Variants in DLGAP1 observed in about 807,000 individuals in gnomAD.
DLGAP1 encodes the protein DLG associated protein 1.
DLGAP1 carries 11 observed loss-of-function variants against 90.8 expected under a neutral mutation model. The ratio of observed to expected loss-of-function variants is 0.12; its 90% CI spans 0.08 to 0.20. DLGAP1 has a LOEUF of 0.20. Ranked by LOEUF, DLGAP1 falls within the 10% of genes least tolerant of loss-of-function variation. The probability of loss-of-function intolerance (pLI) is 1.00; values close to 1 mark genes in which losing one functional copy is unlikely to be tolerated. For synonymous variants in DLGAP1, 558 were observed against 540.7 expected (o/e 1.03, Z -0.44); for missense variants, 1,050 against 1,333.8 (o/e 0.79, Z 3.31).
intron 9 of DLGAP1, among the ~76,000 whole-genome samples, chr18:3,558,379 C>T (rs947194357): frequency 3.3e-5 from 5 of 152,078 alleles, no homozygotes; most frequent in African/African-American, 9.7e-5. Flanking sequence ...ACCACAGGCA[C>T]GTGCTATAAC....
intron 5 of DLGAP1, among the ~76,000 whole-genome samples, chr18:3,779,528 A>G (rs1172381503): frequency 6.6e-6 from 1 of 152,138 alleles, no homozygotes; most frequent in Non-Finnish European, 1.5e-5. Flanking sequence ...TGCTGTGGAC[A>G]AGAAAGACGA....
At chr18:3,650,676 T>C (rs2059265226) in intron 7 of DLGAP1, among the ~76,000 whole-genome samples, 1 of 152,188 alleles carries the variant, frequency 6.6e-6, no homozygotes, top group African/African-American at 2.4e-5. Context: ...CACTGCCACC[T>C]ACCACGCTGG....
intron 1 of DLGAP1, among the ~76,000 whole-genome samples, chr18:4,369,102 C>T (rs2081854305): frequency 6.6e-6 from 1 of 152,170 alleles, no homozygotes; most frequent in Non-Finnish European, 1.5e-5. Flanking sequence ...TCTCTAAGGT[C>T]ACAAAACCTC....
chr18:3,989,874 A>G (rs1450188577), intron 3 of DLGAP1, among the ~76,000 whole-genome samples: 3 of 152,242 alleles, frequency 2.0e-5, no homozygotes, highest in Admixed American at 2.0e-4. Context: ...CAAAAGACAC[A>G]TGAAAAAATG....
intron 1 of DLGAP1, among the ~76,000 whole-genome samples, chr18:4,348,386 G>A (rs2081339234): frequency 6.8e-6 from 1 of 146,876 alleles, no homozygotes; most frequent in Non-Finnish European, 1.5e-5. Flanking sequence ...AGGTGCCTCA[G>A]GATGAACTCA....
At chr18:3,919,363 C>T (rs1037806750) in intron 3 of DLGAP1, among the ~76,000 whole-genome samples, 1 of 152,178 alleles carries the variant, frequency 6.6e-6, no homozygotes, top group Non-Finnish European at 1.5e-5. Flanking sequence ...ATGCAGAATG[C>T]ATCACAAACA....
intron 10 of DLGAP1, among the ~76,000 whole-genome samples, chr18:3,512,519 G>C (rs1337320109): frequency 2.0e-5 from 3 of 152,208 alleles, no homozygotes; most frequent in African/African-American, 7.2e-5. Flanking sequence ...ACCCACAATA[G>C]AGAGTACAGG....
chr18:4,150,077 A>G (rs16946108), intron 2 of DLGAP1, among the ~76,000 whole-genome samples: 53,662 of 152,054 alleles, frequency 0.35, 11,028 homozygotes, highest in African/African-American at 0.56. Flanking sequence ...CTGCAGTGGT[A>G]GACTTGCTAA....
At chr18:4,026,837 G>A (rs1307412786) in intron 2 of DLGAP1, among the ~76,000 whole-genome samples, 1 of 152,134 alleles carries the variant, frequency 6.6e-6, no homozygotes, top group East Asian at 1.9e-4. Context: ...ATTGGCATGC[G>A]ACTTTCTGAT....
At chr18:3,698,961 G>A (rs764080810) in intron 7 of DLGAP1, among the ~76,000 whole-genome samples, 3 of 151,840 alleles carry the variant, frequency 2.0e-5, no homozygotes, top group Non-Finnish European at 2.9e-5. Context: ...TATGCTTCAC[G>A]AAGTCCTCGT....
intron 1 of DLGAP1, among the ~76,000 whole-genome samples, chr18:4,387,907 G>A (rs1277188331): frequency 7.0e-6 from 1 of 142,298 alleles, no homozygotes; most frequent in Non-Finnish European, 1.5e-5. Flanking sequence ...CTCCAGCCTG[G>A]GTGACAGAGA....
chr18:3,999,975 C>T (rs1315029503), intron 3 of DLGAP1, among the ~76,000 whole-genome samples: 2 of 152,138 alleles, frequency 1.3e-5, no homozygotes, highest in Non-Finnish European at 2.9e-5. Context: ...CTGCGCCTGG[C>T]TAATTTAAAA....
chr18:3,525,831 T>C (rs2051580891), intron 10 of DLGAP1, among the ~76,000 whole-genome samples: 3 of 152,204 alleles, frequency 2.0e-5, no homozygotes, highest in African/African-American at 7.2e-5. Context: ...CAGATCTGTT[T>C]CCAGGCCCAG....
intron 2 of DLGAP1, among the ~76,000 whole-genome samples, chr18:4,086,661 C>T (rs987368274): frequency 6.6e-6 from 1 of 151,334 alleles, no homozygotes; most frequent in African/African-American, 2.4e-5. Flanking sequence ...GAGACTATAC[C>T]TTGTATGTTT....
At chr18:3,663,467 G>A (rs970386968) in intron 7 of DLGAP1, among the ~76,000 whole-genome samples, 3 of 152,144 alleles carry the variant, frequency 2.0e-5, no homozygotes, top group Non-Finnish European at 2.9e-5. Flanking sequence ...TATTCCCTTT[G>A]GTCTGAGTGG....
At chr18:3,534,145 G>T (rs2052186004) in intron 10 of DLGAP1, 49 bp downstream of exon 10, 1 of 1,569,470 alleles carries the variant, frequency 6.4e-7, no homozygotes, top group Admixed American at 1.8e-5. Context: ...CACACACAAA[G>T]CAACCCCAGC....
intron 10 of DLGAP1, among the ~76,000 whole-genome samples, chr18:3,523,220 A>C (rs1460386613): frequency 6.6e-6 from 1 of 151,880 alleles, no homozygotes; most frequent in East Asian, 2.0e-4. Flanking sequence ...TAAAAAATAC[A>C]AAAAAATTTA....
intron 1 of DLGAP1, among the ~76,000 whole-genome samples, chr18:4,210,230 T>C (rs1178640503): frequency 6.6e-6 from 1 of 152,230 alleles, no homozygotes; most frequent in African/African-American, 2.4e-5. Context: ...TTATATTCAC[T>C]ATCAAATTCA....
chr18:4,358,423 T>C (rs1259364008), intron 1 of DLGAP1, among the ~76,000 whole-genome samples: 3 of 152,182 alleles, frequency 2.0e-5, no homozygotes, highest in Non-Finnish European at 4.4e-5. Context: ...CTTTAGGGAC[T>C]AATGTGGCAT....
Sources: gnomAD v4.1 joint callset for allele counts (sites outside exome capture counted in the v4.1 genomes callset) on GRCh38, gnomAD v4.1.1 for gene constraint, MANE v1.5 for transcripts, NCBI Gene and HGNC (gene_info 2026-07-23, HGNC 2026-07-21) for gene names.